FGF14: variants seen among roughly 807,000 people sequenced by gnomAD.
FGF14 encodes fibroblast growth factor 14, also known as fibroblast growth factor homologous factor 4.
A neutral mutation model predicts 25.5 loss-of-function variants in FGF14; 5 were observed. The ratio of observed to expected loss-of-function variants is 0.20; its 90% CI spans 0.10 to 0.41. The LOEUF (loss-of-function observed/expected upper bound fraction) is 0.41, where lower values mean the gene tolerates loss of function less well. FGF14 is among the 10% of genes least tolerant of loss of function. The pLI, the probability that FGF14 is intolerant of heterozygous loss-of-function variation, is 1.00. For synonymous variants in FGF14, 138 were observed against 118.3 expected (o/e 1.17, Z -1.08); for missense variants, 222 against 320.1 (o/e 0.69, Z 2.34).
At chr13:102,298,834 G>T (rs919815615) in intron 1 of FGF14, among the ~76,000 whole-genome samples, 2 of 152,120 alleles carry the variant, frequency 1.3e-5, no homozygotes, top group African/African-American at 4.8e-5. Flanking sequence ...CGGTGTCTGA[G>T]AAAACATCAT....
rs988335974 is a variant in FGF14 at position 101,717,285 on chromosome 13, C to T, written c.*5546G>A. ...ATTTTTATAGTACTAACAATGTTCT[C>T]ATAATGTAATAGATTTATAAAAATT... On this transcript the variant is annotated 3_prime_UTR_variant, in exon 5 of 5. Coordinates refer to ENST00000376143, the MANE Select transcript of FGF14 (RefSeq NM_004115.4). 6.6e-6 allele frequency: 1 copy of T among 152,002 alleles called. No individual in the cohort carries two copies. The highest frequency in any genetic ancestry group is 2.4e-5 in the African/African-American group (1 of 41,396). 9.4% of individuals were successfully genotyped at this position (152,002 alleles called of 1,614,324 possible). A position where few individuals can be genotyped will look rare whatever the true frequency, so the allele number is the denominator to read the frequency against.
chr13:101,818,268 C>T (rs1250706493), intron 3 of FGF14, among the ~76,000 whole-genome samples: 2 of 152,144 alleles, frequency 1.3e-5, no homozygotes, highest in African/African-American at 4.8e-5. Flanking sequence ...TATTTCTAGA[C>T]CAAACTCAAA....
At chr13:101,841,348 T>A (rs998304878) in intron 3 of FGF14, among the ~76,000 whole-genome samples, 1 of 151,956 alleles carries the variant, frequency 6.6e-6, no homozygotes, top group African/African-American at 2.4e-5. Context: ...CTCTATATAC[T>A]CTTATACTGG....
intron 1 of FGF14, among the ~76,000 whole-genome samples, chr13:101,953,458 A>G (rs1307786905): frequency 6.6e-6 from 1 of 151,532 alleles, no homozygotes; most frequent in Non-Finnish European, 1.5e-5. Context: ...ACTCGAACCC[A>G]ATGTCATATT....
At chr13:101,853,850 T>TTA (rs2043985781) in intron 3 of FGF14, among the ~76,000 whole-genome samples, 1 of 152,104 alleles carries the variant, frequency 6.6e-6, no homozygotes, top group South Asian at 2.1e-4. Context: ...CAAGTATTCA[T>TTA]TATATATATT....
chr13:101,877,021 T>C (rs1313130574), intron 1 of FGF14, among the ~76,000 whole-genome samples: 1 of 152,150 alleles, frequency 6.6e-6, no homozygotes, highest in East Asian at 1.9e-4. Context: ...ATATTAGTGA[T>C]TTACAATTTT....
chr13:102,036,706 C>A lies in FGF14; in HGVS notation c.209-161410G>T, dbSNP rs186314924. 3.3e-3 allele frequency among the ~76,000 whole-genome samples: 504 copies of A among 151,630 alleles called. 3 individuals are homozygous for A. The highest frequency in any genetic ancestry group is 0.011 in the African/African-American group (461 of 41,354). ...AGAAGGAGGAGGATGAGGAGGAGGACGAAGAAGAAAAAGAAGAACAACAAC... is the reference window on the plus strand; with the variant it reads ...AGAAGGAGGAGGATGAGGAGGAGGAAGAAGAAGAAAAAGAAGAACAACAAC... On this transcript the variant is annotated intron_variant, in intron 1 of 4. Coordinates refer to the FGF14 transcript ENST00000376131.
At chr13:102,244,901 G>T (rs987368709) in intron 1 of FGF14, among the ~76,000 whole-genome samples, 2 of 152,010 alleles carry the variant, frequency 1.3e-5, no homozygotes, top group South Asian at 2.1e-4. Context: ...ACCCGGAAAT[G>T]ATATAATTTC....
intron 1 of FGF14, among the ~76,000 whole-genome samples, chr13:102,326,391 G>A (rs1014405718): frequency 9.2e-5 from 14 of 151,988 alleles, no homozygotes; most frequent in African/African-American, 3.4e-4. Context: ...AAACCCAAAA[G>A]AAGAATACTG....
At chr13:102,006,559 T>C (rs2039798795) in intron 1 of FGF14, among the ~76,000 whole-genome samples, 1 of 152,188 alleles carries the variant, frequency 6.6e-6, no homozygotes, top group African/African-American at 2.4e-5. Flanking sequence ...CTGACCTTTT[T>C]TTAAAAGGTA....
chr13:102,287,162 T>G (rs1050519144), intron 1 of FGF14, among the ~76,000 whole-genome samples: 4 of 152,102 alleles, frequency 2.6e-5, no homozygotes, highest in Non-Finnish European at 5.9e-5. Context: ...AAAACAGTAT[T>G]TCAGAGAAAA....
chr13:101,865,898 G>A (rs7983984), intron 3 of FGF14, among the ~76,000 whole-genome samples: 65,713 of 151,782 alleles, frequency 0.43, 15,387 homozygotes, highest in East Asian at 0.66. Context: ...GATAAACTTA[G>A]AATGGATGAC....
At chr13:101,982,294 T>C (rs2038315138) in intron 1 of FGF14, among the ~76,000 whole-genome samples, 1 of 152,200 alleles carries the variant, frequency 6.6e-6, no homozygotes, top group Admixed American at 6.5e-5. Context: ...ATGCAGCAGG[T>C]TTAGATCTAA....
chr13:102,113,155 C>A (rs2045312859), intron 1 of FGF14, among the ~76,000 whole-genome samples: 3 of 152,186 alleles, frequency 2.0e-5, no homozygotes, highest in Admixed American at 2.0e-4. Context: ...GTTCTATTAA[C>A]AAGCATGCTT....
At chr13:102,201,381 G>A (rs1004961998) in intron 1 of FGF14, among the ~76,000 whole-genome samples, 1 of 152,028 alleles carries the variant, frequency 6.6e-6, no homozygotes, top group Non-Finnish European at 1.5e-5. Flanking sequence ...CACAGGAAAA[G>A]AGAAAGAGAA....
intron 1 of FGF14, chr13:102,293,513 G>T (rs1374907451): frequency 6.6e-6 from 1 of 152,134 alleles, no homozygotes; most frequent in Non-Finnish European, 1.5e-5. Context: ...CTGGTTCTCT[G>T]TTGACAGTAT....
intron 3 of FGF14, among the ~76,000 whole-genome samples, chr13:101,861,426 G>C (rs2044409782): frequency 6.6e-6 from 1 of 152,104 alleles, no homozygotes; most frequent in African/African-American, 2.4e-5. Flanking sequence ...CTTACCAGAT[G>C]AGCTGTGACT....
At chr13:101,818,210 T>C (rs1432571054) in intron 3 of FGF14, among the ~76,000 whole-genome samples, 1 of 152,220 alleles carries the variant, frequency 6.6e-6, no homozygotes, top group African/African-American at 2.4e-5. Context: ...AGTGAAAGAT[T>C]CATTTTTGCT....
chr13:102,166,563 A>G (rs2048022280), intron 1 of FGF14, among the ~76,000 whole-genome samples: 1 of 151,874 alleles, frequency 6.6e-6, no homozygotes, highest in African/African-American at 2.4e-5. Flanking sequence ...GAGTTTTTGG[A>G]GTTGGTGATG....
Sources: gnomAD v4.1 joint callset for allele counts (sites outside exome capture counted in the v4.1 genomes callset) on GRCh38, gnomAD v4.1.1 for gene constraint, MANE v1.5 for transcripts, NCBI Gene and HGNC (gene_info 2026-07-23, HGNC 2026-07-21) for gene names.